ADAMTS3: variants seen among roughly 807,000 people sequenced by gnomAD.
ADAMTS3 encodes the protein ADAM metallopeptidase with thrombospondin type 1 motif 3, also known as A disintegrin and metalloproteinase with thrombospondin motifs 3.
In ADAMTS3, 73 loss-of-function variants were observed where a neutral mutation model predicts 129.0. The observed-to-expected ratio is 0.57, with a 90% CI of 0.47 to 0.69. The LOEUF is 0.69. Ranked by LOEUF, ADAMTS3 falls within the 30% of genes least tolerant of loss-of-function variation. The probability of loss-of-function intolerance (pLI) is 0.00; values close to 1 mark genes in which losing one functional copy is unlikely to be tolerated. For missense variants in ADAMTS3, 1,457 were observed against 1,514.5 expected (o/e 0.96, Z 0.63); for synonymous variants, 477 against 510.8 (o/e 0.93, Z 0.89).
At chr4:72,357,471 TG>T (rs1197314089) in intron 4 of ADAMTS3, among the ~76,000 whole-genome samples, 1 of 151,902 alleles carries the variant, frequency 6.6e-6, no homozygotes, top group Admixed American at 6.6e-5. Context: ...TGCAACAATA[TG>T]GGCACAGCTC....
chr4:72,505,293 A>G (rs1225491955), intron 3 of ADAMTS3, among the ~76,000 whole-genome samples: 1 of 151,968 alleles, frequency 6.6e-6, no homozygotes, highest in East Asian at 1.9e-4. Flanking sequence ...CCTCTTCCCT[A>G]GAGTGTGTGA....
chr4:72,394,270 G>GAAA (rs5859316), intron 4 of ADAMTS3, among the ~76,000 whole-genome samples: 2 of 150,296 alleles, frequency 1.3e-5, no homozygotes. Context: ...CAACAGAGAG[G>GAAA]AAAAAAAAAA....
chr4:72,409,778 A>G (rs2109919685), intron 4 of ADAMTS3, among the ~76,000 whole-genome samples: 1 of 152,238 alleles, frequency 6.6e-6, no homozygotes, highest in East Asian at 1.9e-4. Context: ...CAATCTTCAT[A>G]TTGCCTTCAT....
rs762519284 is a variant in ADAMTS3, at chr4:72,283,174, T to G, written c.3580A>C (p.Asn1194His). ...GTGGATGATCTTGTCGGACGTCTGT[T>G]GTCAATGATCTTTCCATCTTTCTTT... ...TSKKDGKIID[N>H]RRPTRSSTLE... Residue 1194 changes from asparagine to histidine, a missense_variant, in exon 22 of 22, where the codon AAC (asparagine) becomes CAC (histidine). By Grantham distance (68) the Asn-to-His change is moderately conservative. Transcript: ENST00000286657. The G allele has an allele frequency of 1.9e-6, 3 of 1,613,228 alleles. No homozygotes were observed. The highest frequency in any genetic ancestry group is 2.5e-6 in the Non-Finnish European group (3 of 1,179,510).
chr4:72,549,227 T>C (rs749194568), intron 2 of ADAMTS3, among the ~76,000 whole-genome samples: 16 of 152,184 alleles, frequency 1.1e-4, no homozygotes, highest in Non-Finnish European at 1.2e-4. Flanking sequence ...TAATTTATTA[T>C]TGGCATAACT....
intron 2 of ADAMTS3, among the ~76,000 whole-genome samples, chr4:72,559,787 A>G (rs72854347): frequency 0.028 from 4,253 of 151,892 alleles, 340 homozygotes; most frequent in African/African-American, 0.099. Context: ...TTATGGATTC[A>G]ATGCTATTCC....
chr4:72,287,033 G>A (rs1182089842), intron 21 of ADAMTS3, among the ~76,000 whole-genome samples: 1 of 152,078 alleles, frequency 6.6e-6, no homozygotes, highest in African/African-American at 2.4e-5. Flanking sequence ...TAATCCTCAC[G>A]GCAATGGTAC....
chr4:72,312,491 A>G, intron 12 of ADAMTS3, 25 bp from the exon 13 acceptor site: 5 of 1,610,666 alleles, frequency 3.1e-6, no homozygotes, highest in Non-Finnish European at 4.2e-6. Context: ...ACATTTAAAA[A>G]GGCCTTTTGG....
At chr4:72,344,735 T>G (rs1427692000) in intron 4 of ADAMTS3, among the ~76,000 whole-genome samples, 1 of 152,048 alleles carries the variant, frequency 6.6e-6, no homozygotes, top group East Asian at 1.9e-4. Context: ...CTGCCTAGAA[T>G]GTGGACATGA....
At chr4:72,319,270 G>C (rs1578578441) in intron 9 of ADAMTS3, 62 bp downstream of exon 9, 1 of 1,583,946 alleles carries the variant, frequency 6.3e-7, no homozygotes, top group Non-Finnish European at 8.6e-7. Flanking sequence ...AGTCCTAAGA[G>C]TCAGTTTCAT....
intron 4 of ADAMTS3, among the ~76,000 whole-genome samples, chr4:72,413,834 A>C (rs911400268): frequency 5.3e-5 from 8 of 151,890 alleles, no homozygotes; most frequent in African/African-American, 1.9e-4. Flanking sequence ...TACTGTATTT[A>C]TTAATATAGT....
intron 3 of ADAMTS3, among the ~76,000 whole-genome samples, chr4:72,528,851 C>T (rs1426712087): frequency 6.6e-6 from 1 of 152,082 alleles, no homozygotes; most frequent in African/African-American, 2.4e-5. Context: ...TGAGTACACA[C>T]TCTACGCCAA....
intron 4 of ADAMTS3, among the ~76,000 whole-genome samples, chr4:72,386,586 G>A (rs953934768): frequency 1.3e-5 from 2 of 151,996 alleles, no homozygotes; most frequent in African/African-American, 2.4e-5. Flanking sequence ...TAAGGGATGG[G>A]GGAAGAGAGA....
Position 72,548,617 on chromosome 4 carries a change from T to C in ADAMTS3, c.365A>G (p.Asp122Gly), listed in dbSNP as rs749292541. ...ETSLVPGNIT[D>G]PINNHQPGSA... is the part of the protein sequence containing the mutation. ...TCCTGGTTGATGGTTGTTAATGGGA[T>C]CGGTTATATTCCCAGGCACCAGAGA... The change falls in exon 3 of 22, where the codon GAT (aspartate) becomes GGT (glycine). Residue 122 changes from aspartate to glycine, a missense_variant. By Grantham distance (94) the Asp-to-Gly change is moderately conservative (BLOSUM62 -1). Transcript: ENST00000286657. The C allele has an allele frequency of 1.2e-6, 2 of 1,613,838 alleles. No homozygotes were observed. The highest frequency in any genetic ancestry group is 2.2e-5 in the South Asian group (2 of 91,078).
rs1719075913 is a variant in ADAMTS3, at chr4:72,305,889, T to A, written c.2260+98A>T. ...ATGTATGTACATATACGTATGCACA[T>A]ATATGTGTACATATATACATATCTA... On this transcript the variant is annotated intron_variant, in intron 16 of 21. Coordinates refer to ENST00000286657, the MANE Select transcript of ADAMTS3 (RefSeq NM_014243.3). The A allele has an allele frequency of 5.9e-6, 6 of 1,011,214 alleles. No homozygotes were observed. The South Asian group carries it at 8.2e-5, about 14-fold the overall frequency. The allele number at this position is 1,011,214 out of a possible 1,614,324, so 62.6% of individuals were successfully genotyped here.
At chr4:72,493,241 G>A (rs1719791669) in intron 3 of ADAMTS3, among the ~76,000 whole-genome samples, 1 of 151,882 alleles carries the variant, frequency 6.6e-6, no homozygotes, top group Non-Finnish European at 1.5e-5. Flanking sequence ...TTTAGGTGAG[G>A]ACATACTGTT....
chr4:72,503,946 T>A (rs1165565413), intron 3 of ADAMTS3, among the ~76,000 whole-genome samples: 1 of 152,198 alleles, frequency 6.6e-6, no homozygotes, highest in African/African-American at 2.4e-5. Context: ...TCTTTGTGCA[T>A]AATAGATTTT....
chr4:72,373,322 GACTGCC>G (rs1346272787), intron 4 of ADAMTS3, among the ~76,000 whole-genome samples: 1 of 152,118 alleles, frequency 6.6e-6, no homozygotes, highest in African/African-American at 2.4e-5. Flanking sequence ...TACAAGGTGA[GACTGCC>G]ACGCAGTGGG....
chr4:72,550,364 C>CT (rs1325614095), intron 2 of ADAMTS3, among the ~76,000 whole-genome samples: 1 of 151,948 alleles, frequency 6.6e-6, no homozygotes, highest in East Asian at 1.9e-4. Flanking sequence ...TATTTTCTTG[C>CT]TTTTTAAAAA....
Sources: gnomAD v4.1 joint callset for allele counts (sites outside exome capture counted in the v4.1 genomes callset) on GRCh38, gnomAD v4.1.1 for gene constraint, MANE v1.5 for transcripts, NCBI Gene and HGNC (gene_info 2026-07-23, HGNC 2026-07-21) for gene names.